Variants in DENND1A observed in about 807,000 individuals in gnomAD.
DENND1A encodes DENN domain containing 1A.
DENND1A carries 51 observed loss-of-function variants against 113.7 expected under a neutral mutation model. The ratio of observed to expected loss-of-function variants is 0.45; its 90% CI spans 0.36 to 0.57. The LOEUF is 0.57. Ranked by LOEUF, DENND1A falls within the 20% of genes least tolerant of loss-of-function variation. DENND1A has a pLI of 0.00. For synonymous variants in DENND1A, 565 were observed against 570.8 expected (o/e 0.99, Z 0.14); for missense variants, 1,258 against 1,395.9 (o/e 0.90, Z 1.57).
chr9:123,882,027 C>T (rs1239429923), intron 1 of DENND1A, among the ~76,000 whole-genome samples: 2 of 152,174 alleles, frequency 1.3e-5, no homozygotes, highest in African/African-American at 2.4e-5. Context: ...TCACTGGCTA[C>T]TCCTTTGCGA....
intron 13 of DENND1A, among the ~76,000 whole-genome samples, chr9:123,484,586 C>T (rs1415729015): frequency 1.3e-5 from 2 of 152,198 alleles, no homozygotes; most frequent in African/African-American, 4.8e-5. Flanking sequence ...CGGCCCCTGC[C>T]TGTCCTTCCT....
intron 23 of DENND1A, 107 bp downstream of exon 23, chr9:123,383,548 A>G (rs2042395743): frequency 1.7e-5 from 26 of 1,502,346 alleles, no homozygotes; most frequent in African/African-American, 2.8e-5. Flanking sequence ...AGGGTCTTGG[A>G]AAGTCACTGT....
chr9:123,518,222 C>T (rs986805571), intron 13 of DENND1A, among the ~76,000 whole-genome samples: 1 of 151,968 alleles, frequency 6.6e-6, no homozygotes, highest in African/African-American at 2.4e-5. Context: ...AGAAAGGGAG[C>T]CAAATAAATG....
intron 2 of DENND1A, among the ~76,000 whole-genome samples, chr9:123,866,038 C>A (rs920596697): frequency 3.3e-5 from 5 of 152,182 alleles, no homozygotes; most frequent in East Asian, 1.9e-4. Flanking sequence ...TGTATAAAAT[C>A]TTTCCCAAAT....
At chr9:123,831,640 G>C (rs1840230744) in intron 2 of DENND1A, among the ~76,000 whole-genome samples, 2 of 152,172 alleles carry the variant, frequency 1.3e-5, no homozygotes, top group African/African-American at 2.4e-5. Context: ...TTTGATTAAT[G>C]AAAGTGGCAA....
intron 13 of DENND1A, among the ~76,000 whole-genome samples, chr9:123,480,456 C>G (rs533849770): frequency 6.6e-6 from 1 of 152,342 alleles, no homozygotes; most frequent in South Asian, 2.1e-4. Context: ...GCTTCCCATA[C>G]GCTGTGCTTT....
intron 22 of DENND1A, among the ~76,000 whole-genome samples, chr9:123,386,666 G>A (rs1307665305): frequency 6.6e-6 from 1 of 152,204 alleles, no homozygotes; most frequent in Non-Finnish European, 1.5e-5. Context: ...TTACAGGTGT[G>A]AGCCACTGCG....
intron 5 of DENND1A, among the ~76,000 whole-genome samples, chr9:123,702,169 G>T (rs78486018): frequency 0.02 from 3,062 of 151,742 alleles, 47 homozygotes; most frequent in South Asian, 0.065. Flanking sequence ...AAATAAAAAC[G>T]CAATAGAGAA....
Position 123,381,403 on chromosome 9 carries a change from C to T in DENND1A, c.*29G>A, listed in dbSNP as rs772031561. 26 of 1,603,576 alleles carry T rather than the reference C, an allele frequency of 1.6e-5. No individual in the cohort carries two copies. In the Admixed American group the frequency reaches 1.7e-4, roughly 10 times the overall value. On this transcript the variant is annotated 3_prime_UTR_variant, in exon 24 of 24. Coordinates refer to ENST00000394215, the MANE Select transcript of DENND1A (RefSeq NM_001352964.2). The surrounding 1 kb of genome is among the most constrained non-coding windows in gnomAD (Gnocchi z 4.7). ...CAGCAGTGGACGGACCCTCGGGCCT[C>T]GGTGCATCCCCCACCCTCAGGGCCC... is the stretch of plus-strand genomic sequence containing the variant.
intron 19 of DENND1A, among the ~76,000 whole-genome samples, chr9:123,429,170 T>C (rs1173119278): frequency 6.6e-6 from 1 of 152,208 alleles, no homozygotes; most frequent in Admixed American, 6.5e-5. Flanking sequence ...CAAAACAGCA[T>C]GGTACTTGTA....
chr9:123,855,619 T>C (rs557686483), intron 2 of DENND1A, among the ~76,000 whole-genome samples: 1 of 152,224 alleles, frequency 6.6e-6, no homozygotes, highest in East Asian at 1.9e-4. Context: ...TATTACCCTG[T>C]AGGTAATGAA....
chr9:123,581,108 C>A (rs553642013), intron 12 of DENND1A, among the ~76,000 whole-genome samples: 1 of 150,426 alleles, frequency 6.6e-6, no homozygotes, highest in East Asian at 1.9e-4. Context: ...TGCAGACCCA[C>A]GGGGTTGAGT....
chr9:123,514,628 T>C (rs1351215000), intron 13 of DENND1A, among the ~76,000 whole-genome samples: 1 of 152,146 alleles, frequency 6.6e-6, no homozygotes, highest in Non-Finnish European at 1.5e-5. Context: ...TTGTAGAAAG[T>C]AGTCACAGAT....
At chr9:123,477,070 C>T (rs2049975031) in intron 13 of DENND1A, among the ~76,000 whole-genome samples, 1 of 152,204 alleles carries the variant, frequency 6.6e-6, no homozygotes, top group South Asian at 2.1e-4. Context: ...CACTACTCTC[C>T]ATTTTCAGAT....
chr9:123,530,940 A>T (rs1016233460), intron 13 of DENND1A, among the ~76,000 whole-genome samples: 2 of 152,194 alleles, frequency 1.3e-5, no homozygotes, highest in East Asian at 3.8e-4. Flanking sequence ...CAAATTTCTT[A>T]TTGTACATAA....
intron 11 of DENND1A, among the ~76,000 whole-genome samples, chr9:123,600,773 G>T (rs2059905552): frequency 6.6e-6 from 1 of 151,872 alleles, no homozygotes; most frequent in African/African-American, 2.4e-5. Flanking sequence ...GGAGGATGCA[G>T]TGAGCTGAGA....
chr9:123,445,725 C>T (rs1235604645), intron 18 of DENND1A, among the ~76,000 whole-genome samples: 1 of 152,148 alleles, frequency 6.6e-6, no homozygotes, highest in Non-Finnish European at 1.5e-5. Flanking sequence ...CAAAAATTAG[C>T]CAGGTGTGAT....
intron 8 of DENND1A, 141 bp from the exon 9 acceptor site, chr9:123,652,264 G>T: frequency 1.5e-6 from 1 of 683,680 alleles, no homozygotes; most frequent in South Asian, 2.0e-5. Flanking sequence ...TACCTGGGAG[G>T]CCAAATCCCC....
intron 12 of DENND1A, among the ~76,000 whole-genome samples, chr9:123,576,872 A>T (rs2058666398): frequency 6.6e-6 from 1 of 152,232 alleles, no homozygotes; most frequent in African/African-American, 2.4e-5. Flanking sequence ...TAAGTCTGCT[A>T]GAATTACTTC....
Sources: gnomAD v4.1 joint callset for allele counts (sites outside exome capture counted in the v4.1 genomes callset) on GRCh38, gnomAD v4.1.1 for gene constraint, Gnocchi (gnomAD v3.1) non-coding constraint, MANE v1.5 for transcripts, NCBI Gene and HGNC (gene_info 2026-07-23, HGNC 2026-07-21) for gene names.